Variants in AXDND1 observed in about 807,000 individuals in gnomAD.
AXDND1 encodes the protein axonemal dynein light chain domain containing 1, also known as axonemal dynein light chain domain-containing protein 1.
In AXDND1, 110 loss-of-function variants were observed where a neutral mutation model predicts 137.5. The ratio of observed to expected loss-of-function variants is 0.80; its 90% CI spans 0.69 to 0.94. The LOEUF (loss-of-function observed/expected upper bound fraction) is 0.94, where lower values mean the gene tolerates loss of function less well. Among genes scored for constraint, AXDND1 ranks in the 40% least tolerant of loss-of-function variants. AXDND1 has a pLI of 0.00. For synonymous variants in AXDND1, 414 were observed against 399.7 expected (o/e 1.04, Z -0.43); for missense variants, 1,191 against 1,169.8 (o/e 1.02, Z -0.26).
At chr1:179,502,616 A>G (rs1668120463) in intron 20 of AXDND1, among the ~76,000 whole-genome samples, 1 of 151,626 alleles carries the variant, frequency 6.6e-6, no homozygotes, top group African/African-American at 2.4e-5. Flanking sequence ...TACAAGTGTT[A>G]ACAAGAATGA....
intron 9 of AXDND1, among the ~76,000 whole-genome samples, chr1:179,391,383 T>C (rs899027490): frequency 1.3e-5 from 2 of 152,080 alleles, no homozygotes; most frequent in African/African-American, 4.8e-5. Flanking sequence ...AAATCTCATC[T>C]TGAATTGTTG....
intron 11 of AXDND1, among the ~76,000 whole-genome samples, chr1:179,405,910 G>T (rs1370676574): frequency 6.6e-6 from 1 of 151,300 alleles, no homozygotes; most frequent in East Asian, 1.9e-4. Flanking sequence ...TACTAATTTT[G>T]GGTTTTGTTT....
chr1:179,369,931 G>GAAT, intron 3 of AXDND1, 44 bp from the exon 4 acceptor site: 1 of 1,428,168 alleles, frequency 7.0e-7, no homozygotes, highest in South Asian at 1.2e-5. Flanking sequence ...TATTTGATTA[G>GAAT]ATCGCCCTCT....
At chr1:179,535,600 C>T (rs1572200893) in intron 25 of AXDND1, among the ~76,000 whole-genome samples, 1 of 152,184 alleles carries the variant, frequency 6.6e-6, no homozygotes, top group South Asian at 2.1e-4. Flanking sequence ...ATATGTGCCA[C>T]ATTTTCTTTA....
chr1:179,505,911 TAGG>T (rs1276698150), intron 20 of AXDND1, among the ~76,000 whole-genome samples: 2 of 152,178 alleles, frequency 1.3e-5, no homozygotes, highest in Non-Finnish European at 2.9e-5. Context: ...GGCCATTTTT[TAGG>T]AGGACTCAGT....
chr1:179,440,830 C>T (rs1250172211), intron 15 of AXDND1, among the ~76,000 whole-genome samples: 4 of 152,128 alleles, frequency 2.6e-5, no homozygotes, highest in Non-Finnish European at 4.4e-5. Flanking sequence ...TCTATGCGAC[C>T]GGCTACATTT....
chr1:179,378,209 G>A (rs1470935619), intron 4 of AXDND1, among the ~76,000 whole-genome samples: 2 of 152,028 alleles, frequency 1.3e-5, no homozygotes, highest in Non-Finnish European at 2.9e-5. Flanking sequence ...CAACATGACA[G>A]CAATACATGT....
chr1:179,464,299 A>G (rs1310977611), intron 16 of AXDND1, among the ~76,000 whole-genome samples: 1 of 152,126 alleles, frequency 6.6e-6, no homozygotes, highest in Non-Finnish European at 1.5e-5. Context: ...AGCTCTTGTA[A>G]GGCAGGCCTG....
chr1:179,533,347 A>G (rs1281545652), intron 23 of AXDND1, among the ~76,000 whole-genome samples: 2 of 152,132 alleles, frequency 1.3e-5, no homozygotes, highest in African/African-American at 4.8e-5. Flanking sequence ...GAAGTCCCCT[A>G]AGGAATTTAA....
intron 11 of AXDND1, among the ~76,000 whole-genome samples, chr1:179,400,639 A>C (rs929813980): frequency 1.3e-4 from 19 of 150,372 alleles, no homozygotes; most frequent in South Asian, 2.1e-4. Context: ...TGTGGTGGCT[A>C]ACACCTGTAA....
intron 16 of AXDND1, among the ~76,000 whole-genome samples, chr1:179,457,483 T>C (rs1406747198): frequency 1.3e-5 from 2 of 152,244 alleles, no homozygotes; most frequent in Non-Finnish European, 2.9e-5. Context: ...CATTTCAAAA[T>C]TTATTTTGTT....
At chr1:179,385,457 C>G in intron 9 of AXDND1, 98 bp downstream of exon 9, 1 of 1,361,076 alleles carries the variant, frequency 7.3e-7, no homozygotes, top group Non-Finnish European at 1.0e-6. Flanking sequence ...GTGCACTTCT[C>G]TATTCTACTG....
chr1:179,412,860 A>G (rs1440231683), intron 12 of AXDND1, among the ~76,000 whole-genome samples: 1 of 152,218 alleles, frequency 6.6e-6, no homozygotes, highest in Non-Finnish European at 1.5e-5. Flanking sequence ...TCCTGTTCTC[A>G]GTCTTATGGG....
intron 8 of AXDND1, among the ~76,000 whole-genome samples, chr1:179,384,190 C>G (rs557589830): frequency 2.9e-4 from 44 of 152,254 alleles, no homozygotes; most frequent in African/African-American, 9.9e-4. Context: ...GCTATGTAAC[C>G]TTTACCCGGA....
intron 23 of AXDND1, among the ~76,000 whole-genome samples, chr1:179,529,702 C>T (rs1408306963): frequency 1.3e-5 from 2 of 152,146 alleles, no homozygotes; most frequent in South Asian, 2.1e-4. Flanking sequence ...CTCAATCTCT[C>T]CTGGGTCCTG....
chr1:179,421,337 T>C (rs537623944), intron 12 of AXDND1, among the ~76,000 whole-genome samples: 43 of 145,626 alleles, frequency 3.0e-4, no homozygotes, highest in African/African-American at 1.2e-3. Context: ...TTCCTTCCTT[T>C]CTTCCTTCCT....
At chr1:179,460,355 C>G (rs928869806) in intron 16 of AXDND1, among the ~76,000 whole-genome samples, 1 of 152,164 alleles carries the variant, frequency 6.6e-6, no homozygotes, top group Non-Finnish European at 1.5e-5. Flanking sequence ...ATCCATGTCC[C>G]TACAAAGGAC....
intron 21 of AXDND1, among the ~76,000 whole-genome samples, chr1:179,518,964 C>T (rs549464802): frequency 9.8e-5 from 15 of 152,294 alleles, no homozygotes; most frequent in African/African-American, 3.1e-4. Flanking sequence ...AGAATCACCA[C>T]GCTGTCTTCC....
intron 25 of AXDND1, chr1:179,546,302 T>C (rs1672637493): frequency 9.6e-6 from 1 of 104,236 alleles, no homozygotes; most frequent in African/African-American, 3.6e-5. Context: ...TAATGAGTGT[T>C]AGGTGGTTAA....
Sources: gnomAD v4.1 joint callset for allele counts (sites outside exome capture counted in the v4.1 genomes callset) on GRCh38, gnomAD v4.1.1 for gene constraint, MANE v1.5 for transcripts, NCBI Gene and HGNC (gene_info 2026-07-23, HGNC 2026-07-21) for gene names.